PIAS1: variants seen among roughly 807,000 people sequenced by gnomAD.
PIAS1 encodes protein inhibitor of activated STAT 1.
PIAS1 carries 6 observed loss-of-function variants against 71.3 expected under a neutral mutation model. The observed-to-expected ratio is 0.08, with a 90% CI of 0.05 to 0.17. The LOEUF (loss-of-function observed/expected upper bound fraction) is 0.17. Among genes scored for constraint, PIAS1 ranks in the 10% least tolerant of loss-of-function variants. The probability of loss-of-function intolerance (pLI) is 1.00; values close to 1 mark genes in which losing one functional copy is unlikely to be tolerated. For missense variants in PIAS1, 555 were observed against 793.6 expected (o/e 0.70, Z 3.61); for synonymous variants, 303 against 292.9 (o/e 1.03, Z -0.35).
At chr15:68,149,127 G>T (rs1201475809) in intron 6 of PIAS1, among the ~76,000 whole-genome samples, 2 of 152,118 alleles carry the variant, frequency 1.3e-5, no homozygotes, top group Admixed American at 1.3e-4. Flanking sequence ...ATGGGCATTG[G>T]AGGACAAGAT....
chr15:68,172,462 T>G (rs2092997743), intron 8 of PIAS1, among the ~76,000 whole-genome samples: 1 of 152,172 alleles, frequency 6.6e-6, no homozygotes, highest in Non-Finnish European at 1.5e-5. Context: ...TCAAATGGTA[T>G]TTCTAGTTCC....
intron 2 of PIAS1, among the ~76,000 whole-genome samples, chr15:68,091,535 T>C (rs12911030): frequency 1 from 152,298 of 152,318 alleles, 76,139 homozygotes; most frequent in Non-Finnish European, 1. Context: ...ACATTTTTAA[T>C]ATAGTGCTTT....
intron 2 of PIAS1, among the ~76,000 whole-genome samples, chr15:68,102,652 C>T (rs761403098): frequency 7.2e-5 from 11 of 151,902 alleles, no homozygotes; most frequent in Non-Finnish European, 1.3e-4. Flanking sequence ...GTATATAGTT[C>T]CCACACTTGT....
At chr15:68,061,157 G>A (rs990674525) in intron 1 of PIAS1, among the ~76,000 whole-genome samples, 2 of 152,206 alleles carry the variant, frequency 1.3e-5, no homozygotes, top group African/African-American at 4.8e-5. Context: ...CTCTAAATTT[G>A]ATTCGTTCGA....
At chr15:68,060,961 C>T (rs531841571) in intron 1 of PIAS1, among the ~76,000 whole-genome samples, 25 of 152,296 alleles carry the variant, frequency 1.6e-4, no homozygotes, top group Middle Eastern at 3.4e-3. Context: ...GGATTGTAGG[C>T]GTGAGCCACC....
intron 2 of PIAS1, among the ~76,000 whole-genome samples, chr15:68,091,439 AAAC>A (rs1273222394): frequency 6.6e-6 from 1 of 152,226 alleles, no homozygotes; most frequent in African/African-American, 2.4e-5. Context: ...ACTTAAGTAT[AAAC>A]AAATCTATTA....
intron 5 of PIAS1, 115 bp downstream of exon 5, chr15:68,146,021 T>G: frequency 1.5e-6 from 1 of 681,696 alleles, no homozygotes; most frequent in Non-Finnish European, 2.6e-6. Context: ...ATTTTGGATA[T>G]ATATTCATTG....
chr15:68,054,408 G>A lies in PIAS1; in HGVS notation c.24+58G>A. ...CGGCCGCGGAGACGGCGCCGCTGCT[G>A]CCAGGGGGGATGGGTCCGACCCTGG... On this transcript the variant is annotated intron_variant, in intron 1 of 13. Transcript: ENST00000249636. This position sits in a 1 kb window ranked among gnomAD's most constrained non-coding sequence, Gnocchi z 4.6. 1 of 1,536,720 alleles carries A rather than the reference G, an allele frequency of 6.5e-7. No individual in the cohort carries two copies. Among genetic ancestry groups the A allele is most frequent in the South Asian group, 1.2e-5 (1 of 83,650 alleles).
intron 1 of PIAS1, among the ~76,000 whole-genome samples, chr15:68,062,788 A>G (rs1475308814): frequency 6.6e-6 from 1 of 152,232 alleles, no homozygotes; most frequent in Non-Finnish European, 1.5e-5. Context: ...ATGTACATAA[A>G]TATCTTTTCT....
intron 9 of PIAS1, among the ~76,000 whole-genome samples, chr15:68,175,293 A>C (rs1041301663): frequency 6.6e-6 from 1 of 152,184 alleles, no homozygotes; most frequent in African/African-American, 2.4e-5. Context: ...ATTGTGGGCA[A>C]TTTAGAATAT....
intron 11 of PIAS1, among the ~76,000 whole-genome samples, chr15:68,180,744 G>A (rs528051551): frequency 2.0e-5 from 3 of 152,288 alleles, no homozygotes; most frequent in South Asian, 2.1e-4. Flanking sequence ...TGGTAACTCC[G>A]AACCACTCAG....
chr15:68,111,777 C>T (rs574720205), intron 2 of PIAS1, among the ~76,000 whole-genome samples: 46 of 151,926 alleles, frequency 3.0e-4, no homozygotes, highest in South Asian at 1.0e-3. Flanking sequence ...TTATACTAAA[C>T]GGGAAAATGA....
At chr15:68,152,334 C>A (rs16951636) in intron 6 of PIAS1, among the ~76,000 whole-genome samples, 15,231 of 152,048 alleles carry the variant, frequency 0.1, 2,547 homozygotes, top group African/African-American at 0.34. Context: ...TCTTTTTCCT[C>A]CCTCTCAGAA....
rs1595712581 is a variant in PIAS1, at chr15:68,086,378, C to T, written c.97C>T (p.Arg33Cys). 3.7e-6 allele frequency: 6 copies of T among 1,613,560 alleles called. No homozygotes were observed. The highest frequency in any genetic ancestry group is 1.3e-5 in the African/African-American group (1 of 75,014). ...LGYAGRNKHG[R>C]KHELLTKALH... ...CTACGCCGGGAGAAACAAGCACGGACGCAAACACGAACTTCTCACAAAAGC... is the reference window on the plus strand; with the variant it reads ...CTACGCCGGGAGAAACAAGCACGGATGCAAACACGAACTTCTCACAAAAGC... Residue 33 changes from arginine (R) to cysteine (C), a missense_variant, in exon 2 of 14, where the codon CGC (arginine) becomes TGC (cysteine). By Grantham distance (180) the Arg-to-Cys change is radical (BLOSUM62 -3). Transcript: ENST00000249636. This position sits in a 1 kb window ranked among gnomAD's most constrained non-coding sequence, Gnocchi z 7.2.
chr15:68,154,831 C>T (rs998847198), intron 7 of PIAS1, among the ~76,000 whole-genome samples: 10 of 152,254 alleles, frequency 6.6e-5, no homozygotes, highest in African/African-American at 2.2e-4. Flanking sequence ...CACCATTTGG[C>T]AGGGATAAGA....
chr15:68,145,403 A>G (rs1471174578), intron 4 of PIAS1, among the ~76,000 whole-genome samples: 1 of 152,186 alleles, frequency 6.6e-6, no homozygotes, highest in East Asian at 1.9e-4. Flanking sequence ...GAGATTTATA[A>G]TGCTTATTAG....
Position 68,173,876 on chromosome 15 carries a change from C to T in PIAS1, c.1153C>T (p.His385Tyr). 1 of 1,566,720 alleles carries T rather than the reference C, an allele frequency of 6.4e-7. No individual in the cohort carries two copies. Among genetic ancestry groups the T allele is most frequent in the Non-Finnish European group, 8.7e-7 (1 of 1,148,638 alleles). The change falls in exon 9 of 14, where the codon CAC (histidine) becomes TAC (tyrosine). Residue 385 changes from histidine to tyrosine, a missense_variant. By Grantham distance (83) the His-to-Tyr change is moderately conservative. This residue lies in a region of PIAS1 where 49 missense variants were observed against 129.2 expected (regional missense o/e 0.38). Transcript: ENST00000249636. This position sits in a 1 kb window ranked among gnomAD's most constrained non-coding sequence, Gnocchi z 4.3. ...CTGTGATAAGAAGGCTCCATATGAACACCTTATTATTGATGGGTATGTTAC... is the reference window on the plus strand; with the variant it reads ...CTGTGATAAGAAGGCTCCATATGAATACCTTATTATTGATGGGTATGTTAC... ...PVCDKKAPYEHLIIDGLFMEI... is the reference protein window; with the variant it reads ...PVCDKKAPYEYLIIDGLFMEI...
rs1337291876 is a variant in PIAS1, at chr15:68,178,866, T to C, written c.1481+2212T>C. Among the ~76,000 whole-genome samples the C allele has an allele frequency of 2.0e-5, 3 of 152,186 alleles. No homozygotes were observed. Among genetic ancestry groups the C allele is most frequent in the East Asian group, 3.8e-4 (2 of 5,208 alleles). On this transcript the variant is annotated intron_variant, in intron 11 of 13. Transcript: ENST00000249636. This position sits in a 1 kb window ranked among gnomAD's most constrained non-coding sequence, Gnocchi z 4.2. ...TCTTCTTTGGATATTTACTTTGCTC[T>C]TTCTCCAAAAATATTTGGAGAAAAT...
intron 11 of PIAS1, among the ~76,000 whole-genome samples, chr15:68,179,587 T>TTTTTTTTTTTTTC (rs2093041226): frequency 7.1e-5 from 9 of 126,674 alleles, no homozygotes; most frequent in Admixed American, 8.7e-5. Context: ...TTTTTTTTTT[T>TTTTTTTTTTTTTC]TTTTTGAGAC....
Sources: allele counts gnomAD v4.1 joint callset (sites outside exome capture counted in the v4.1 genomes callset), GRCh38; gene constraint gnomAD v4.1.1; regional missense constraint gnomAD v4.1.1; non-coding constraint Gnocchi (gnomAD v3.1); transcripts MANE v1.5; gene names NCBI Gene and HGNC (gene_info 2026-07-23, HGNC 2026-07-21).